Variants in ITGA1 observed in about 807,000 individuals in gnomAD.
ITGA1 encodes the protein integrin subunit alpha 1.
ITGA1 carries 85 observed loss-of-function variants against 145.9 expected under a neutral mutation model. The observed-to-expected ratio is 0.58, with a 90% CI of 0.49 to 0.70. ITGA1 has a LOEUF of 0.70. Ranked by LOEUF, ITGA1 falls within the 30% of genes least tolerant of loss-of-function variation. The probability of loss-of-function intolerance (pLI) is 0.00; values close to 1 mark genes in which losing one functional copy is unlikely to be tolerated. For missense variants in ITGA1, 1,351 were observed against 1,418.7 expected, an observed-to-expected ratio of 0.95 and a Z score of 0.77; for synonymous variants, 520 against 495.3, an observed-to-expected ratio of 1.05 and a Z score of -0.66.
chr5:52,843,417 G>T (rs546309204), intron 1 of ITGA1, among the ~76,000 whole-genome samples: 2 of 152,058 alleles, frequency 1.3e-5, no homozygotes, highest in East Asian at 1.9e-4. Context: ...ATTCAGAATT[G>T]CATTTGTTGT....
chr5:52,842,682 A>G (rs1397431149), intron 1 of ITGA1, among the ~76,000 whole-genome samples: 1 of 138,048 alleles, frequency 7.2e-6, no homozygotes, highest in Admixed American at 7.6e-5. Flanking sequence ...TTTCAGGAGC[A>G]TCATCTTTTT....
rs543500901 is a variant in ITGA1, at chr5:52,915,482, G to T, written c.1876G>T (p.Asp626Tyr). 3 of 1,614,008 alleles carry T rather than the reference G, an allele frequency of 1.9e-6. No homozygotes were observed. The Admixed American group carries it at 5.0e-5, about 27-fold the overall frequency. ...CTCACAGCGTATTCCATCAGGTGGG[G>T]ATGGTAAGACACTGAAATTTTTTGG... The part of the protein sequence containing the change: ...EYAQRIPSGG[D>Y]GKTLKFFGQS... Residue 626 changes from aspartate to tyrosine, a missense_variant, in exon 15 of 29, where the codon GAT becomes TAT. Coordinates refer to ENST00000282588, the MANE Select transcript of ITGA1 (RefSeq NM_181501.2).
chr5:52,887,047 G>A (rs1750063759), intron 7 of ITGA1, among the ~76,000 whole-genome samples: 1 of 151,522 alleles, frequency 6.6e-6, no homozygotes, highest in East Asian at 1.9e-4. Context: ...TGAAATTCAG[G>A]GTTTTTTTGC....
rs113582889 is a variant in ITGA1 at position 52,936,846 on chromosome 5, C to T, written c.2965-555C>T. 7.2e-5 allele frequency among the ~76,000 whole-genome samples: 11 copies of T among 152,076 alleles called. No homozygotes were observed. The South Asian group carries it at 1.0e-3, about 14-fold the overall frequency. ...ACCAGATTATCAACAGCCAGTGTCACGGTAGCCCTAGCTGGGGGTAGAATT... is the reference window on the plus strand; with the variant it reads ...ACCAGATTATCAACAGCCAGTGTCATGGTAGCCCTAGCTGGGGGTAGAATT... On this transcript the variant is annotated intron_variant, in intron 23 of 28. Coordinates refer to ENST00000282588, the MANE Select transcript of ITGA1 (RefSeq NM_181501.2).
Position 52,865,684 on chromosome 5 carries a change from T to C in ITGA1, c.497-6T>C, listed in dbSNP as rs753757170. 1 of 1,524,100 alleles carries C rather than the reference T, an allele frequency of 6.6e-7. No homozygotes were observed. Among genetic ancestry groups the C allele is most frequent in the Non-Finnish European group, 8.7e-7 (1 of 1,143,272 alleles). The allele number at this position is 1,524,100 out of a possible 1,614,324, so 94.4% of individuals were successfully genotyped here. On this transcript the variant is annotated splice_region_variant and splice_polypyrimidine_tract_variant and intron_variant, in intron 5 of 28. Transcript: ENST00000282588. The stretch of plus-strand genomic sequence containing the variant: ...CAAATTTGACAATTGACTCCTTTTA[T>C]TGCAGAATGCAGCACTCAACTGGAC...
At chr5:52,819,200 T>G (rs1748826118) in intron 1 of ITGA1, among the ~76,000 whole-genome samples, 1 of 152,228 alleles carries the variant, frequency 6.6e-6, no homozygotes, top group Admixed American at 6.5e-5. Context: ...TTTCTAGTTC[T>G]AGATCCCTGA....
chr5:52,876,255 A>G (rs1219982532), intron 6 of ITGA1, among the ~76,000 whole-genome samples: 1 of 152,224 alleles, frequency 6.6e-6, no homozygotes, highest in Non-Finnish European at 1.5e-5. Flanking sequence ...AATGGGAACT[A>G]TCTCTGTTGA....
At chr5:52,943,088 G>A (rs4865754) in intron 26 of ITGA1, among the ~76,000 whole-genome samples, 22,693 of 152,054 alleles carry the variant, frequency 0.15, 1,708 homozygotes, top group South Asian at 0.16. Context: ...TATTGCTCTG[G>A]CTAGGACTTA....
chr5:52,840,083 T>C (rs1252890798), intron 1 of ITGA1, among the ~76,000 whole-genome samples: 1 of 152,202 alleles, frequency 6.6e-6, no homozygotes, highest in East Asian at 1.9e-4. Context: ...ACCTCTTTGC[T>C]TTACTGACCC....
rs752200083 is a variant in ITGA1 at position 52,910,267 on chromosome 5, G to T, written c.1705G>T (p.Ala569Ser). The change falls in exon 14 of 29, where the codon GCT (alanine) becomes TCT (serine). Residue 569 changes from alanine to serine, a missense_variant. By Grantham distance (99) the Ala-to-Ser change is moderately conservative. Transcript: ENST00000282588. Reference protein sequence around the residue: ...TTENKNEPCGARFGTAIAAVK... With the variant: ...TTENKNEPCGSRFGTAIAAVK... ...AGAAAACAAAAATGAGCCATGCGGG[G>T]CTCGTTTTGGAACTGCAATTGCTGC... 8.1e-6 allele frequency: 13 copies of T among 1,613,874 alleles called. No individual in the cohort carries two copies. The South Asian group carries it at 1.4e-4, about 18-fold the overall frequency.
intron 1 of ITGA1, among the ~76,000 whole-genome samples, chr5:52,805,570 G>A (rs1285988967): frequency 6.6e-6 from 1 of 152,056 alleles, no homozygotes; most frequent in Non-Finnish European, 1.5e-5. Context: ...TTCTTGAGTG[G>A]TGGGAGAGAT....
At chr5:52,871,410 A>G (rs1422986255) in intron 6 of ITGA1, among the ~76,000 whole-genome samples, 1 of 152,172 alleles carries the variant, frequency 6.6e-6, no homozygotes, top group African/African-American at 2.4e-5. Context: ...GTGGGCCACA[A>G]ATAAAGGTTA....
At chr5:52,939,001 C>T (rs1384531078) in intron 24 of ITGA1, among the ~76,000 whole-genome samples, 2 of 152,152 alleles carry the variant, frequency 1.3e-5, no homozygotes, top group African/African-American at 4.8e-5. Context: ...CTCCCATGTC[C>T]AAATGATTCT....
intron 1 of ITGA1, among the ~76,000 whole-genome samples, chr5:52,794,997 C>T (rs1315947121): frequency 6.6e-6 from 1 of 151,916 alleles, no homozygotes; most frequent in African/African-American, 2.4e-5. Context: ...ACGGCTATCT[C>T]AAATATTGAA....
chr5:52,812,666 G>T (rs1748699749), intron 1 of ITGA1, among the ~76,000 whole-genome samples: 1 of 151,510 alleles, frequency 6.6e-6, no homozygotes, highest in Non-Finnish European at 1.5e-5. Flanking sequence ...GCTTCAATTT[G>T]TAAAATGGAA....
At chr5:52,805,257 G>A (rs1730498300) in intron 1 of ITGA1, among the ~76,000 whole-genome samples, 1 of 152,088 alleles carries the variant, frequency 6.6e-6, no homozygotes, top group Admixed American at 6.5e-5. Flanking sequence ...TGACCATTAG[G>A]AGAAACAATT....
At chr5:52,912,815 C>A (rs1452235315) in intron 14 of ITGA1, among the ~76,000 whole-genome samples, 1 of 150,944 alleles carries the variant, frequency 6.6e-6, no homozygotes, top group Admixed American at 6.6e-5. Context: ...GGCACGATCT[C>A]AGCTTACTGC....
rs1198650370 is a variant in ITGA1, at chr5:52,787,984, T to A, written c.-370T>A. The A allele has an allele frequency of 9.3e-6, 2 of 214,462 alleles. No individual in the cohort carries two copies. Among genetic ancestry groups the A allele is most frequent in the African/African-American group, 4.6e-5 (2 of 43,836 alleles). 13.3% of individuals were successfully genotyped at this position (214,462 alleles called of 1,614,324 possible). ...GATCACCCTCTCAATGAAAGGCAGA[T>A]GTCCCTTTAAGGTTTGCTTCTACAG... On this transcript the variant is annotated 5_prime_UTR_variant, in exon 1 of 29. It removes an upstream start codon present in the reference 5' UTR. Coordinates refer to ENST00000282588, the MANE Select transcript of ITGA1 (RefSeq NM_181501.2).
intron 1 of ITGA1, chr5:52,801,114 T>C (rs777276798): frequency 1.9e-6 from 3 of 1,598,998 alleles, no homozygotes; most frequent in Non-Finnish European, 2.6e-6. Flanking sequence ...GGTCCAAATT[T>C]CTTCAGGTAA....
Sources: gnomAD v4.1 joint callset for allele counts (sites outside exome capture counted in the v4.1 genomes callset) on GRCh38, gnomAD v4.1.1 for gene constraint, MANE v1.5 for transcripts, NCBI Gene and HGNC (gene_info 2026-07-23, HGNC 2026-07-21) for gene names.